The following THRAP3 variants were observed in gnomAD, a reference collection of about 807,000 sequenced individuals.
THRAP3 encodes thyroid hormone receptor-associated protein 3.
In THRAP3, 16 loss-of-function variants were observed where a neutral mutation model predicts 101.0. The observed-to-expected ratio is 0.16, with a 90% CI of 0.11 to 0.24. The LOEUF is 0.24. THRAP3 is among the 10% of genes least tolerant of loss of function. The pLI, the probability that THRAP3 is intolerant of heterozygous loss-of-function variation, is 1.00. For missense variants in THRAP3, 989 were observed against 1,202.7 expected, an observed-to-expected ratio of 0.82 and a Z score of 2.63; for synonymous variants, 407 against 422.6, an observed-to-expected ratio of 0.96 and a Z score of 0.45.
the THRAP3 span, among the ~76,000 whole-genome samples, chr1:36,211,920 C>T: frequency 6.6e-6 from 1 of 152,190 alleles, no homozygotes; most frequent in Non-Finnish European, 1.5e-5. Flanking sequence ...TCCTGAGAGC[C>T]TCTTGTACAC....
At position 36,286,933 on chromosome 1, in the gene THRAP3, C is replaced by T. The variant is rs771336363; in HGVS notation, c.703C>T (p.Arg235Trp). The T allele has an allele frequency of 9.3e-6, 15 of 1,614,082 alleles. No individual in the cohort carries two copies. The highest frequency in any genetic ancestry group is 6.7e-5 in the East Asian group (3 of 44,894). ...CACCTACGGCACTGGTTCTGCATCA[C>T]GGGCCTCAGCAGTTTCTGAGCTGAG... Reference protein sequence around the residue: ...DATYGTGSASRASAVSELSPR... With the variant: ...DATYGTGSASWASAVSELSPR... The change falls in exon 4 of 12, where the codon CGG (arginine) becomes TGG (tryptophan). Residue 235 changes from arginine to tryptophan, a missense_variant. Coordinates refer to ENST00000354618, the MANE Select transcript of THRAP3 (RefSeq NM_005119.4). The surrounding 1 kb of genome is among the most constrained non-coding windows in gnomAD (Gnocchi z 5.5).
At chr1:36,236,188 C>T (rs1645085811) in intron 1 of THRAP3, among the ~76,000 whole-genome samples, 1 of 151,392 alleles carries the variant, frequency 6.6e-6, no homozygotes, top group East Asian at 1.9e-4. Context: ...CCCCTGCACT[C>T]CAGCCTGGGT....
chr1:36,213,951 GAA>G, the THRAP3 span, among the ~76,000 whole-genome samples: 2 of 117,024 alleles, frequency 1.7e-5, no homozygotes, highest in Non-Finnish European at 3.5e-5. Flanking sequence ...AAGAAAGAAA[GAA>G]AGAAAGAAGG....
chr1:36,287,127 A>G lies in THRAP3; in HGVS notation c.897A>G (p.Gln299=). The part of the protein sequence containing the change: ...SGAGYQSGTH[Q]GQFDHGSGSL... Reference sequence around the variant, plus strand: ...CCGGGTATCAGTCTGGGACACACCAAGGTCAGTTCGACCATGGTTCTGGGT... The same window carrying G: ...CCGGGTATCAGTCTGGGACACACCAGGGTCAGTTCGACCATGGTTCTGGGT... Residue 299 remains glutamine (Q), a synonymous_variant, in exon 4 of 12, where the codon CAA becomes CAG. Transcript: ENST00000354618. The G allele has an allele frequency of 3.1e-6, 5 of 1,614,164 alleles. No homozygotes were observed. Among genetic ancestry groups the G allele is most frequent in the Non-Finnish European group, 4.2e-6 (5 of 1,180,028 alleles).
chr1:36,301,834 C>T (rs1646034698), intron 11 of THRAP3, 138 bp downstream of exon 11: 1 of 1,078,926 alleles, frequency 9.3e-7, no homozygotes. Flanking sequence ...TGTGTACTTG[C>T]ATAGTGCTAA....
At chr1:36,212,650 C>T in the THRAP3 span, among the ~76,000 whole-genome samples, 3 of 151,994 alleles carry the variant, frequency 2.0e-5, no homozygotes, top group African/African-American at 7.3e-5. Flanking sequence ...GAATTCCTGG[C>T]CTCAAGTGAT....
intron 1 of THRAP3, 135 bp from the exon 2 acceptor site, chr1:36,259,247 T>C (rs1645413655): frequency 5.1e-6 from 2 of 394,508 alleles, no homozygotes; most frequent in Admixed American, 8.8e-5. Flanking sequence ...TCTCATACTT[T>C]GAGAGAAAAG....
intron 1 of THRAP3, among the ~76,000 whole-genome samples, chr1:36,228,320 C>T (rs1408883388): frequency 1.3e-5 from 2 of 152,086 alleles, no homozygotes; most frequent in South Asian, 2.1e-4. Context: ...AGGGTTCAAG[C>T]GATTCTCCAG....
At chr1:36,229,167 G>A (rs182940867) in intron 1 of THRAP3, among the ~76,000 whole-genome samples, 1 of 152,114 alleles carries the variant, frequency 6.6e-6, no homozygotes, top group African/African-American at 2.4e-5. Flanking sequence ...GTGCGATCTT[G>A]GCTTGCTGCA....
At chr1:36,250,253 G>A (rs1430212585) in intron 1 of THRAP3, among the ~76,000 whole-genome samples, 2 of 144,090 alleles carry the variant, frequency 1.4e-5, no homozygotes, top group Non-Finnish European at 3.0e-5. Context: ...TTGCTCTGTC[G>A]CCCAGGCTGG....
At chr1:36,244,939 C>G (rs982991855) in intron 1 of THRAP3, among the ~76,000 whole-genome samples, 11 of 151,982 alleles carry the variant, frequency 7.2e-5, no homozygotes, top group Admixed American at 1.3e-4. Flanking sequence ...CCAGGATGGT[C>G]TCAAACTCCT....
At chr1:36,291,117 T>C (rs1645862829) in intron 5 of THRAP3, among the ~76,000 whole-genome samples, 1 of 152,180 alleles carries the variant, frequency 6.6e-6, no homozygotes, top group African/African-American at 2.4e-5. Context: ...ACTTTCTCAT[T>C]TGTTGGGTGT....
the THRAP3 span, among the ~76,000 whole-genome samples, chr1:36,219,427 T>C: frequency 2.0e-5 from 3 of 152,142 alleles, no homozygotes; most frequent in Non-Finnish European, 4.4e-5. Flanking sequence ...TTTTCTCTTT[T>C]TTATTTTTAT....
At chr1:36,230,700 G>A (rs1204358497) in intron 1 of THRAP3, among the ~76,000 whole-genome samples, 1 of 152,152 alleles carries the variant, frequency 6.6e-6, no homozygotes, top group African/African-American at 2.4e-5. Flanking sequence ...ACAGAGTTGA[G>A]TTATACCACT....
the THRAP3 span, among the ~76,000 whole-genome samples, chr1:36,219,105 AT>A: frequency 1.3e-5 from 2 of 151,818 alleles, no homozygotes; most frequent in Admixed American, 1.3e-4. Flanking sequence ...AAACAGCCTT[AT>A]TGCTGATACA....
At position 36,282,634 on chromosome 1, in the gene THRAP3, C is replaced by A; in HGVS notation, c.71C>A (p.Ser24Tyr). 6.2e-7 allele frequency: 1 copy of A among 1,614,126 alleles called. No individual in the cohort carries two copies. Among genetic ancestry groups the A allele is most frequent in the Non-Finnish European group, 8.5e-7 (1 of 1,180,028 alleles). The stretch of plus-strand genomic sequence containing the variant: ...TCAAGATCTGCATCAAGATCTCGTT[C>A]TCGTTCATTTTCGAAGTCTCGGTCC... ...SRSRSASRSR[S>Y]RSFSKSRSRS... is the part of the protein sequence containing the mutation. Residue 24 changes from serine (S) to tyrosine (Y), a missense_variant, in exon 3 of 12, where the codon TCT (serine) becomes TAT (tyrosine). By Grantham distance (144) the Ser-to-Tyr change is moderately radical. Coordinates refer to ENST00000354618, the MANE Select transcript of THRAP3 (RefSeq NM_005119.4).
chr1:36,232,565 T>C (rs1253115123), intron 1 of THRAP3, among the ~76,000 whole-genome samples: 1 of 152,246 alleles, frequency 6.6e-6, no homozygotes, highest in African/African-American at 2.4e-5. Context: ...GGGATTTGTT[T>C]TATTCAATGT....
chr1:36,266,901 A>T (rs1241048601), intron 2 of THRAP3, among the ~76,000 whole-genome samples: 1 of 130,788 alleles, frequency 7.6e-6, no homozygotes, highest in Admixed American at 7.6e-5. Flanking sequence ...TATTTTTGAG[A>T]TAGAGTTTTA....
At chr1:36,211,068 C>T in the THRAP3 span, among the ~76,000 whole-genome samples, 1 of 151,128 alleles carries the variant, frequency 6.6e-6, no homozygotes, top group Non-Finnish European at 1.5e-5. Context: ...AATTAAAAAC[C>T]CGGGCATAGT....
Sources: allele counts gnomAD v4.1 joint callset (sites outside exome capture counted in the v4.1 genomes callset), GRCh38; gene constraint gnomAD v4.1.1; non-coding constraint Gnocchi (gnomAD v3.1); transcripts MANE v1.5; gene names NCBI Gene and HGNC (gene_info 2026-07-23, HGNC 2026-07-21).